Variants in RARB observed in about 807,000 individuals in gnomAD.
RARB encodes retinoic acid receptor beta, also known as HBV-activated protein.
In RARB, 17 loss-of-function variants were observed where a neutral mutation model predicts 51.9. That is an observed-to-expected ratio of 0.33 (90% CI 0.22 to 0.49). The LOEUF (loss-of-function observed/expected upper bound fraction) is 0.49, where lower values mean the gene tolerates loss of function less well. Ranked by LOEUF, RARB falls within the 20% of genes least tolerant of loss-of-function variation. RARB has a pLI of 0.99. For missense variants in RARB, 369 were observed against 550.8 expected, an observed-to-expected ratio of 0.67 and a Z score of 3.30; for synonymous variants, 215 against 195.4, an observed-to-expected ratio of 1.10 and a Z score of -0.84.
chr3:25,597,299 T>G lies in RARB; in HGVS notation c.*683T>G, dbSNP rs1264629307. 6.6e-6 allele frequency: 1 copy of G among 152,598 alleles called. No homozygotes were observed. Among genetic ancestry groups the G allele is most frequent in the East Asian group, 1.9e-4 (1 of 5,198 alleles). The allele number at this position is 152,598 out of a possible 1,614,324, so 9.5% of individuals were successfully genotyped here. On this transcript the variant is annotated 3_prime_UTR_variant, in exon 8 of 8. Coordinates refer to ENST00000330688, the MANE Select transcript of RARB (RefSeq NM_000965.5). The stretch of plus-strand genomic sequence containing the variant: ...ATTCCCTGCACTAGCAGAAGAGAAT[T>G]CTGTATCAGTGTAACTGCCAGTTCA...
At chr3:25,398,035 A>C (rs2125492181) in intron 5 of RARB, among the ~76,000 whole-genome samples, 1 of 152,090 alleles carries the variant, frequency 6.6e-6, no homozygotes, top group African/African-American at 2.4e-5. Context: ...TTTGGGTGAA[A>C]TTTCCCCTAA....
At chr3:25,354,586 A>T (rs17588514) in intron 5 of RARB, among the ~76,000 whole-genome samples, 6,401 of 152,238 alleles carry the variant, frequency 0.042, 200 homozygotes, top group Non-Finnish European at 0.062. Flanking sequence ...TCATACATTG[A>T]AGAACTGGAA....
At chr3:25,421,403 C>CTTTTTTTTTTTTTTTTTTTTTTTT (rs766378555) in intron 5 of RARB, among the ~76,000 whole-genome samples, 2 of 72,362 alleles carry the variant, frequency 2.8e-5, no homozygotes, top group African/African-American at 6.5e-5. Flanking sequence ...TTCTTCTTTT[C>CTTTTTTTTTTTTTTTTTTTTTTTT]TTTTTTTTTT....
At chr3:25,468,886 A>G (rs1695563668) in intron 2 of RARB, among the ~76,000 whole-genome samples, 1 of 152,156 alleles carries the variant, frequency 6.6e-6, no homozygotes, top group Non-Finnish European at 1.5e-5. Context: ...CCTATCCCTA[A>G]GCCAACCTTT....
chr3:25,188,566 G>T (rs975854914), intron 5 of RARB, among the ~76,000 whole-genome samples: 2 of 152,216 alleles, frequency 1.3e-5, no homozygotes, highest in Middle Eastern at 3.4e-3. Flanking sequence ...TTTTGGAGTA[G>T]AAAAGTTATT....
intron 5 of RARB, among the ~76,000 whole-genome samples, chr3:25,183,645 AC>A (rs1191600919): frequency 6.6e-6 from 1 of 152,138 alleles, no homozygotes; most frequent in Non-Finnish European, 1.5e-5. Flanking sequence ...ATTATCTTGA[AC>A]ATCGCCTTAT....
At chr3:24,915,904 C>T (rs1367385933) in intron 2 of RARB, among the ~76,000 whole-genome samples, 4 of 151,950 alleles carry the variant, frequency 2.6e-5, no homozygotes, top group African/African-American at 7.3e-5. Flanking sequence ...AAGGGGAAAC[C>T]TTAGTGCATC....
intron 4 of RARB, among the ~76,000 whole-genome samples, chr3:25,168,530 A>G (rs779128737): frequency 1.3e-5 from 2 of 152,166 alleles, no homozygotes; most frequent in Non-Finnish European, 2.9e-5. Context: ...CCCACCTAGA[A>G]CTATTCTTAA....
At chr3:25,530,028 T>C (rs981569848) in intron 3 of RARB, among the ~76,000 whole-genome samples, 3 of 151,930 alleles carry the variant, frequency 2.0e-5, no homozygotes, top group African/African-American at 7.3e-5. Flanking sequence ...CACGGACCCG[T>C]GGCTGCCTCT....
chr3:25,398,654 G>C (rs961415453), intron 5 of RARB, among the ~76,000 whole-genome samples: 1 of 152,082 alleles, frequency 6.6e-6, no homozygotes, highest in Non-Finnish European at 1.5e-5. Flanking sequence ...TCCCTATATG[G>C]GAAGTAGATT....
chr3:25,235,963 A>C (rs954543625), intron 5 of RARB, among the ~76,000 whole-genome samples: 3 of 152,124 alleles, frequency 2.0e-5, no homozygotes, highest in Admixed American at 6.6e-5. Context: ...TAAAAATCAA[A>C]CATCTCTAGA....
chr3:25,143,666 C>T (rs981041706), intron 4 of RARB, among the ~76,000 whole-genome samples: 2 of 152,170 alleles, frequency 1.3e-5, no homozygotes, highest in African/African-American at 4.8e-5. Context: ...CAACCCCAAA[C>T]CACCCAACTT....
At chr3:25,139,398 C>G (rs758671425) in intron 4 of RARB, among the ~76,000 whole-genome samples, 4 of 152,134 alleles carry the variant, frequency 2.6e-5, no homozygotes, top group African/African-American at 4.8e-5. Flanking sequence ...AATGAAACAG[C>G]CTTATTGCTG....
At chr3:25,461,696 C>T (rs570515344) in intron 2 of RARB, among the ~76,000 whole-genome samples, 44 of 152,126 alleles carry the variant, frequency 2.9e-4, no homozygotes, top group Non-Finnish European at 4.3e-4. Flanking sequence ...GAGTTTGAGG[C>T]CCGCCTGACC....
intron 2 of RARB, among the ~76,000 whole-genome samples, chr3:24,981,587 G>T (rs1393911217): frequency 2.6e-5 from 4 of 151,968 alleles, no homozygotes; most frequent in East Asian, 1.9e-4. Flanking sequence ...GGGACCCACC[G>T]AGCCAGGCAC....
At chr3:25,092,113 T>C (rs1699209305) in intron 3 of RARB, among the ~76,000 whole-genome samples, 1 of 152,104 alleles carries the variant, frequency 6.6e-6, no homozygotes, top group African/African-American at 2.4e-5. Context: ...ACAAGTGCTT[T>C]TACAGCCAGG....
intron 2 of RARB, among the ~76,000 whole-genome samples, chr3:25,051,412 A>G (rs1002715064): frequency 7.2e-5 from 11 of 152,194 alleles, no homozygotes; most frequent in Non-Finnish European, 1.5e-4. Context: ...GAACTGTCTA[A>G]AGATGCTTTA....
chr3:25,148,853 C>A (rs1042688111), intron 4 of RARB, among the ~76,000 whole-genome samples: 3 of 152,198 alleles, frequency 2.0e-5, no homozygotes, highest in African/African-American at 4.8e-5. Flanking sequence ...TACCCATGCA[C>A]AGCCAGCCCC....
chr3:24,999,309 C>T (rs1697108828), intron 2 of RARB, among the ~76,000 whole-genome samples: 1 of 152,128 alleles, frequency 6.6e-6, no homozygotes, highest in Non-Finnish European at 1.5e-5. Flanking sequence ...TCTCCAAAAA[C>T]CCTTTCTACC....
Sources: allele counts gnomAD v4.1 joint callset (sites outside exome capture counted in the v4.1 genomes callset), GRCh38; gene constraint gnomAD v4.1.1; transcripts MANE v1.5; gene names NCBI Gene and HGNC (gene_info 2026-07-23, HGNC 2026-07-21).